ABCC8: variants seen among roughly 807,000 people sequenced by gnomAD.
ABCC8 encodes the protein ATP binding cassette subfamily C member 8.
In ABCC8, 137 loss-of-function variants were observed where a neutral mutation model predicts 188.0. That is an observed-to-expected ratio of 0.73 (90% CI 0.63 to 0.84). The LOEUF (loss-of-function observed/expected upper bound fraction) is 0.84. Among genes scored for constraint, ABCC8 ranks in the 40% least tolerant of loss-of-function variants. The pLI is 0.00. For synonymous variants in ABCC8, 797 were observed against 846.5 expected, an observed-to-expected ratio of 0.94 and a Z score of 1.01; for missense variants, 1,750 against 2,072.7, an observed-to-expected ratio of 0.84 and a Z score of 3.02.
intron 10 of ABCC8, chr11:17,435,719 C>A (rs1956064048): frequency 2.9e-6 from 4 of 1,373,528 alleles, no homozygotes; most frequent in African/African-American, 1.4e-5. Context: ...AGAACCGGGA[C>A]AACCACTCCA....
At chr11:17,408,654 A>G in intron 22 of ABCC8, 137 bp from the exon 23 acceptor site, 4 of 1,375,894 alleles carry the variant, frequency 2.9e-6, no homozygotes, top group Non-Finnish European at 2.9e-6. Context: ...CATCCACTGC[A>G]AGTGGGCTGG....
At chr11:17,453,366 C>G in intron 6 of ABCC8, 83 bp from the exon 7 acceptor site, 1 of 1,566,840 alleles carries the variant, frequency 6.4e-7, no homozygotes, top group Non-Finnish European at 8.7e-7. Flanking sequence ...CATAATGGAC[C>G]ACGGCCATCA....
intron 18 of ABCC8, among the ~76,000 whole-genome samples, chr11:17,414,898 G>T (rs570549507): frequency 6.6e-6 from 1 of 152,116 alleles, no homozygotes; most frequent in African/African-American, 2.4e-5. Context: ...GAGCCCAAAA[G>T]TGTGACCAAA....
At chr11:17,407,514 A>G in intron 23 of ABCC8, 61 bp from the exon 24 acceptor site, 1 of 1,611,408 alleles carries the variant, frequency 6.2e-7, no homozygotes, top group Non-Finnish European at 8.5e-7. Context: ...GGGGAAGGGG[A>G]AGTTAAGGGG....
intron 26 of ABCC8, 102 bp downstream of exon 26, chr11:17,406,520 G>A: frequency 7.9e-7 from 1 of 1,271,466 alleles, no homozygotes; most frequent in South Asian, 1.4e-5. Flanking sequence ...ACCCCCACAA[G>A]CTTGTGACAG....
At chr11:17,438,507 T>C (rs1439119328) in intron 10 of ABCC8, among the ~76,000 whole-genome samples, 1 of 152,172 alleles carries the variant, frequency 6.6e-6, no homozygotes, top group Non-Finnish European at 1.5e-5. Flanking sequence ...GGAATGGGTA[T>C]CTCACAATGG....
chr11:17,423,070 C>T (rs1434873963), intron 16 of ABCC8, among the ~76,000 whole-genome samples: 5 of 152,050 alleles, frequency 3.3e-5, no homozygotes, highest in East Asian at 1.9e-4. Flanking sequence ...CTCTTAAAAG[C>T]GGGGCCGGCC....
intron 16 of ABCC8, among the ~76,000 whole-genome samples, chr11:17,422,552 A>G (rs1360997148): frequency 6.6e-6 from 1 of 152,202 alleles, no homozygotes; most frequent in Non-Finnish European, 1.5e-5. Context: ...GCATTTGCCC[A>G]AGCTGTTTCC....
In ABCC8 at chr11:17,395,260, AG is replaced by A. The variant is rs758844607; in HGVS notation, c.4322del (p.Pro1441LeufsTer19). On this transcript the variant is annotated frameshift_variant, in exon 36 of 39. Coordinates refer to ENST00000389817, the MANE Select transcript of ABCC8 (RefSeq NM_000352.6). LOFTEE classifies it high-confidence loss of function. ...FSGTIRFNLDPERKCSDSTLW... is the reference protein window; with the variant it reads ...FSGTIRFNLDXERKCSDSTLW... ...GTGTGCTATCTGAGCACTTCCTCTC[AG>A]GGTCCAGGTTAAATCTGGAAGTGGC... 4 of 1,593,910 alleles carry A rather than the reference AG, an allele frequency of 2.5e-6. No homozygotes were observed. The African/African-American group carries it at 5.4e-5, about 21-fold the overall frequency.
intron 16 of ABCC8, 115 bp downstream of exon 16, chr11:17,426,934 G>A: frequency 8.4e-7 from 1 of 1,192,646 alleles, no homozygotes; most frequent in Non-Finnish European, 1.2e-6. Context: ...AGCATTTATT[G>A]AGTCCTCACT....
chr11:17,410,179 C>T (rs539611682), intron 22 of ABCC8: 21 of 273,830 alleles, frequency 7.7e-5, no homozygotes, highest in Admixed American at 7.5e-4. Context: ...ATGGGCACTC[C>T]CCATGACTGC....
Position 17,428,607 on chromosome 11 carries a change from A to T in ABCC8, c.1881T>A (p.His627Gln), listed in dbSNP as rs999485855. 6.2e-7 allele frequency: 1 copy of T among 1,613,908 alleles called. No homozygotes were observed. Among genetic ancestry groups the T allele is most frequent in the Non-Finnish European group, 8.5e-7 (1 of 1,179,992 alleles). ...TGGCTGGGCCCTGAGGTGTGGGCTC[A>T]TGGGGGGCACACTGCTCCTCACGGA... Reference protein sequence around the residue: ...AEIREEQCAPHEPTPQGPASK... With the variant: ...AEIREEQCAPQEPTPQGPASK... The change falls in exon 13 of 39, where the codon CAT (histidine) becomes CAA (glutamine). Residue 627 changes from histidine to glutamine, a missense_variant. Coordinates refer to ENST00000389817, the MANE Select transcript of ABCC8 (RefSeq NM_000352.6).
intron 6 of ABCC8, among the ~76,000 whole-genome samples, chr11:17,457,147 G>A (rs1164182415): frequency 1.3e-5 from 2 of 152,280 alleles, no homozygotes; most frequent in East Asian, 3.9e-4. Flanking sequence ...ACATGGTTAT[G>A]AAGAGGCCAG....
intron 29 of ABCC8, 116 bp from the exon 30 acceptor site, chr11:17,398,557 G>T: frequency 6.4e-7 from 1 of 1,551,640 alleles, no homozygotes; most frequent in Non-Finnish European, 8.7e-7. Context: ...ACATGCCACC[G>T]TGGCCACTTC....
chr11:17,409,485 C>T (rs1954706448), intron 22 of ABCC8, among the ~76,000 whole-genome samples: 1 of 152,140 alleles, frequency 6.6e-6, no homozygotes, highest in Non-Finnish European at 1.5e-5. Flanking sequence ...AGAAACAAAC[C>T]TTCTGTATCT....
chr11:17,452,539 C>T (rs543058481), intron 7 of ABCC8, among the ~76,000 whole-genome samples: 2 of 152,312 alleles, frequency 1.3e-5, no homozygotes, highest in South Asian at 4.1e-4. Context: ...GTTCGCACTC[C>T]TATGAGAGTC....
chr11:17,443,085 G>T, intron 9 of ABCC8, 93 bp downstream of exon 9: 1 of 1,539,498 alleles, frequency 6.5e-7, no homozygotes, highest in Non-Finnish European at 9.0e-7. Flanking sequence ...CAAAGTCAAA[G>T]TCAATGACAG....
At chr11:17,468,835 A>G (rs1183602299) in intron 3 of ABCC8, among the ~76,000 whole-genome samples, 3 of 152,186 alleles carry the variant, frequency 2.0e-5, no homozygotes, top group Non-Finnish European at 4.4e-5. Flanking sequence ...GGAACATGGC[A>G]TGGAGCCTGC....
At chr11:17,435,864 C>A (rs1956071379) in intron 10 of ABCC8, 1 of 1,251,460 alleles carries the variant, frequency 8.0e-7, no homozygotes, top group African/African-American at 1.5e-5. Context: ...GCCCCGGACA[C>A]AGGGACTTCA....
Sources: allele counts gnomAD v4.1 joint callset (sites outside exome capture counted in the v4.1 genomes callset), GRCh38; gene constraint gnomAD v4.1.1; transcripts MANE v1.5; gene names NCBI Gene and HGNC (gene_info 2026-07-23, HGNC 2026-07-21).